The following FAM222B variants were observed in gnomAD, a reference collection of about 807,000 sequenced individuals.
FAM222B encodes protein FAM222B.
A neutral mutation model predicts 38.0 loss-of-function variants in FAM222B; 12 were observed. That is an observed-to-expected ratio of 0.32 (90% CI 0.20 to 0.51). FAM222B has a LOEUF of 0.51. Ranked by LOEUF, FAM222B falls within the 20% of genes least tolerant of loss-of-function variation. The pLI is 0.97. For synonymous variants in FAM222B, 329 were observed against 317.2 expected, an observed-to-expected ratio of 1.04 and a Z score of -0.40; for missense variants, 716 against 754.2, an observed-to-expected ratio of 0.95 and a Z score of 0.59.
intron 2 of FAM222B, 112 bp downstream of exon 2, chr17:28,766,471 AAAG>A: frequency 1.2e-6 from 1 of 802,630 alleles, no homozygotes; most frequent in Non-Finnish European, 2.0e-6. Flanking sequence ...AAAAAAAAAA[AAAG>A]AAAGGTGTCA....
At chr17:28,841,712 T>C (rs1337813581) in intron 1 of FAM222B, among the ~76,000 whole-genome samples, 1 of 152,194 alleles carries the variant, frequency 6.6e-6, no homozygotes, top group Non-Finnish European at 1.5e-5. Flanking sequence ...GCCAACTGTG[T>C]TATAAGGCAA....
chr17:28,837,452 T>G (rs772153054), intron 1 of FAM222B, among the ~76,000 whole-genome samples: 1 of 151,124 alleles, frequency 6.6e-6, no homozygotes, highest in Non-Finnish European at 1.5e-5. Flanking sequence ...AATAAATAAA[T>G]AAATTTTTAA....
intron 1 of FAM222B, among the ~76,000 whole-genome samples, chr17:28,776,143 C>T (rs1393143398): frequency 1.3e-5 from 2 of 150,186 alleles, no homozygotes; most frequent in East Asian, 4.0e-4. Context: ...GAGGCTGAGG[C>T]GGGCGTATCA....
chr17:28,830,161 CT>C (rs58480451), intron 1 of FAM222B, among the ~76,000 whole-genome samples: 52,213 of 101,194 alleles, frequency 0.52, 12,988 homozygotes, highest in African/African-American at 0.69. Context: ...TTTATACATT[CT>C]TTTTTTTTTT....
At chr17:28,819,823 C>T (rs892399493) in intron 1 of FAM222B, among the ~76,000 whole-genome samples, 5 of 152,158 alleles carry the variant, frequency 3.3e-5, no homozygotes, top group Admixed American at 3.3e-4. Flanking sequence ...AATAAAATTA[C>T]TCAACTGTCT....
chr17:28,839,847 A>G (rs938047198), intron 1 of FAM222B, among the ~76,000 whole-genome samples: 1 of 152,054 alleles, frequency 6.6e-6, no homozygotes, highest in African/African-American at 2.4e-5. Flanking sequence ...AACACATTTT[A>G]CCAGACAGAG....
intron 1 of FAM222B, among the ~76,000 whole-genome samples, chr17:28,819,806 C>CT (rs1214410322): frequency 2.6e-5 from 4 of 152,168 alleles, no homozygotes; most frequent in Non-Finnish European, 5.9e-5. Flanking sequence ...TAAAACGTCT[C>CT]TAAGAAAATA....
At chr17:28,790,904 TTTTTTTTTTTTA>T (rs1292133282) in intron 1 of FAM222B, among the ~76,000 whole-genome samples, 1 of 117,900 alleles carries the variant, frequency 8.5e-6, no homozygotes, top group East Asian at 2.4e-4. Flanking sequence ...TTTTTTTTTT[TTTTTTTTTTTTA>T]GAGACAGAAT....
In FAM222B at chr17:28,758,408, T is replaced by C; in HGVS notation, c.1551A>G (p.Leu517=). Residue 517 remains leucine, a synonymous_variant, in exon 3 of 3, where the codon CTA becomes CTG. Transcript: ENST00000581407. The part of the protein sequence containing the change: ...QNSLMQTVDY[L]SGDFQQACFR... ...AGCAGGCCTGTTGGAAATCCCCACT[T>C]AGGTAATCCACTGTTTGCATCAAGC... 1 of 1,613,816 alleles carries C rather than the reference T, an allele frequency of 6.2e-7. No individual in the cohort carries two copies. Among genetic ancestry groups the C allele is most frequent in the Non-Finnish European group, 8.5e-7 (1 of 1,179,854 alleles).
intron 1 of FAM222B, among the ~76,000 whole-genome samples, chr17:28,773,378 A>G (rs1470024118): frequency 6.8e-6 from 1 of 147,480 alleles, no homozygotes; most frequent in Non-Finnish European, 1.5e-5. Flanking sequence ...GCTACTCGAT[A>G]GGCTGAGACA....
At chr17:28,824,062 A>T (rs979065934) in intron 1 of FAM222B, among the ~76,000 whole-genome samples, 3 of 151,956 alleles carry the variant, frequency 2.0e-5, no homozygotes, top group African/African-American at 7.3e-5. Flanking sequence ...TATTTTTAGC[A>T]GAGACAGGGT....
chr17:28,824,433 G>A (rs2038368218), intron 1 of FAM222B, among the ~76,000 whole-genome samples: 1 of 151,856 alleles, frequency 6.6e-6, no homozygotes, highest in African/African-American at 2.4e-5. Context: ...TGATCCTCTT[G>A]TCTCAGACCC....
At position 28,758,929 on chromosome 17, in the gene FAM222B, T is replaced by C; in HGVS notation, c.1030A>G (p.Asn344Asp). 6.2e-7 allele frequency: 1 copy of C among 1,609,754 alleles called. No individual in the cohort carries two copies. Among genetic ancestry groups the C allele is most frequent in the East Asian group, 2.2e-5 (1 of 44,730 alleles). ...TAALPAAGPV[N>D]LPTGISRVPT... ...ACGCGAGAGATGCCTGTGGGCAGGT[T>C]GACAGGACCTGCAGCAGGCAACGCG... is the stretch of plus-strand genomic sequence containing the variant. The change falls in exon 3 of 3, where the codon AAC (asparagine) becomes GAC (aspartate). Residue 344 changes from asparagine (N) to aspartate (D), a missense_variant. By Grantham distance (23) the Asn-to-Asp change is conservative (BLOSUM62 1). Coordinates refer to ENST00000581407, the MANE Select transcript of FAM222B (RefSeq NM_001077498.3).
chr17:28,844,739 G>C (rs1235859310), upstream of FAM222B, among the ~76,000 whole-genome samples: 1 of 152,162 alleles, frequency 6.6e-6, no homozygotes, highest in Non-Finnish European at 1.5e-5. Flanking sequence ...CAGGTTGGGA[G>C]GATTGCTTGA....
chr17:28,766,649 C>A lies in FAM222B; in HGVS notation c.19G>T (p.Gly7Trp). 6.2e-7 allele frequency: 1 copy of A among 1,605,276 alleles called. No homozygotes were observed. The highest frequency in any genetic ancestry group is 8.5e-7 in the Non-Finnish European group (1 of 1,175,778). The change falls in exon 2 of 3, where the codon GGG becomes TGG. Residue 7 changes from glycine (G) to tryptophan (W), a missense_variant. By Grantham distance (184) the Gly-to-Trp change is radical (BLOSUM62 -2). Coordinates refer to ENST00000581407, the MANE Select transcript of FAM222B (RefSeq NM_001077498.3). ...AGCTGAAAGGACAGGTCACCTGGCC[C>A]TGGTAGACAGGCTAGCATGGCAGAT... MLACLPGPGDLSFQLLS... is the reference protein window; with the variant it reads MLACLPWPGDLSFQLLS...
rs1435765133 is a variant in FAM222B at position 28,759,984 on chromosome 17, G to A, written c.83-108C>T. ...TTTTGAGGGCCTGGGGTGGGGTGGG[G>A]AAATGACTAGATTGTCATCTGTAGC... On this transcript the variant is annotated intron_variant, in intron 2 of 2. Coordinates refer to ENST00000581407, the MANE Select transcript of FAM222B (RefSeq NM_001077498.3). The surrounding 1 kb of genome is among the most constrained non-coding windows in gnomAD (Gnocchi z 4.8). 9.2e-7 allele frequency: 1 copy of A among 1,082,062 alleles called. No individual in the cohort carries two copies. The highest frequency in any genetic ancestry group is 1.3e-6 in the Non-Finnish European group (1 of 764,940). 67.0% of individuals were successfully genotyped at this position (1,082,062 alleles called of 1,614,324 possible).
intron 1 of FAM222B, among the ~76,000 whole-genome samples, chr17:28,807,552 AT>A (rs1014231855): frequency 1.3e-5 from 2 of 151,866 alleles, no homozygotes; most frequent in Middle Eastern, 3.4e-3. Context: ...TGCCCAGCTA[AT>A]TTTCATATTT....
chr17:28,838,791 C>T (rs760466638), intron 1 of FAM222B, among the ~76,000 whole-genome samples: 2 of 151,898 alleles, frequency 1.3e-5, no homozygotes, highest in African/African-American at 2.4e-5. Context: ...CCTGTAATCC[C>T]AGCTACTCAG....
chr17:28,810,673 A>G (rs2037718774), intron 1 of FAM222B, among the ~76,000 whole-genome samples: 1 of 152,228 alleles, frequency 6.6e-6, no homozygotes, highest in Non-Finnish European at 1.5e-5. Flanking sequence ...GGGACAAGTG[A>G]GTAATAAAAA....
Sources: allele counts gnomAD v4.1 joint callset (sites outside exome capture counted in the v4.1 genomes callset), GRCh38; gene constraint gnomAD v4.1.1; non-coding constraint Gnocchi (gnomAD v3.1); transcripts MANE v1.5; gene names NCBI Gene and HGNC (gene_info 2026-07-23, HGNC 2026-07-21).